The following NEDD4L variants were observed in gnomAD, a reference collection of about 807,000 sequenced individuals.
NEDD4L encodes E3 ubiquitin-protein ligase NEDD4-like.
In NEDD4L, 54 loss-of-function variants were observed where a neutral mutation model predicts 148.9. The observed-to-expected ratio is 0.36, with a 90% CI of 0.29 to 0.45. The LOEUF (loss-of-function observed/expected upper bound fraction) is 0.45. Ranked by LOEUF, NEDD4L falls within the 20% of genes least tolerant of loss-of-function variation. NEDD4L has a pLI of 1.00. For synonymous variants in NEDD4L, 433 were observed against 440.7 expected (o/e 0.98, Z 0.22); for missense variants, 856 against 1,233.8 (o/e 0.69, Z 4.59).
intron 1 of NEDD4L, among the ~76,000 whole-genome samples, chr18:58,151,262 C>T (rs1342474927): frequency 6.6e-6 from 1 of 152,168 alleles, no homozygotes. Flanking sequence ...TGGGAAGAAA[C>T]TATTTGAGAA....
intron 5 of NEDD4L, among the ~76,000 whole-genome samples, chr18:58,307,263 G>C (rs1473912488): frequency 6.6e-6 from 1 of 152,002 alleles, no homozygotes; most frequent in African/African-American, 2.4e-5. Flanking sequence ...TTCTTGGATG[G>C]TACCTAGGAT....
intron 1 of NEDD4L, among the ~76,000 whole-genome samples, chr18:58,142,260 G>A (rs115239631): frequency 0.012 from 1,853 of 151,338 alleles, 38 homozygotes; most frequent in African/African-American, 0.043. Context: ...GTGTTAGCCC[G>A]TACGGTCTCG....
chr18:58,134,769 A>ATTT lies in NEDD4L; in HGVS notation c.49-31004_49-31002dup, dbSNP rs71173032. On this transcript the variant is annotated intron_variant, in intron 1 of 30. Coordinates refer to ENST00000400345, the MANE Select transcript of NEDD4L (RefSeq NM_001144967.3). ...TTTCTTTTGTCTTCAAGCAATTTTC[A>ATTT]TTTTTTTTTTTTTTTTTGATATTCA... Among the ~76,000 whole-genome samples, 54 of 131,410 alleles carry ATTT rather than the reference A, an allele frequency of 4.1e-4. 1 individual carries two copies. Among genetic ancestry groups the ATTT allele is most frequent in the African/African-American group, 1.4e-3 (49 of 35,320 alleles). 86.2% of individuals were successfully genotyped at this position (131,410 alleles called of 152,430 possible).
intron 1 of NEDD4L, among the ~76,000 whole-genome samples, chr18:58,056,777 C>T (rs1035680346): frequency 4.6e-5 from 7 of 151,786 alleles, no homozygotes; most frequent in Non-Finnish European, 1.0e-4. Context: ...GATGGGGTTT[C>T]ACCATGTTGG....
At chr18:58,143,887 AGAAATGGGCATTTTCCC>A (rs1376985127) in intron 1 of NEDD4L, among the ~76,000 whole-genome samples, 1 of 152,196 alleles carries the variant, frequency 6.6e-6, no homozygotes, top group East Asian at 1.9e-4. Context: ...CATATTATAT[AGAAATGGGCATTTTCCC>A]TGTGGCCTGA....
intron 5 of NEDD4L, among the ~76,000 whole-genome samples, chr18:58,290,098 A>C (rs914129103): frequency 6.6e-6 from 1 of 152,266 alleles, no homozygotes; most frequent in Non-Finnish European, 1.5e-5. Flanking sequence ...AATTAATATC[A>C]TCATAAACTC....
At chr18:58,090,345 T>C (rs1347829302) in intron 1 of NEDD4L, among the ~76,000 whole-genome samples, 2 of 152,236 alleles carry the variant, frequency 1.3e-5, no homozygotes, top group African/African-American at 4.8e-5. Context: ...GTTTTTGTCA[T>C]TGGGCCATGA....
At chr18:58,239,040 A>G (rs1178023095) in intron 2 of NEDD4L, among the ~76,000 whole-genome samples, 1 of 152,242 alleles carries the variant, frequency 6.6e-6, no homozygotes, top group African/African-American at 2.4e-5. Context: ...GGTAACAGTA[A>G]AAGTGGAAAA....
rs1323143076 is a variant in NEDD4L at position 58,256,803 on chromosome 18, T to A, written c.297+4749T>A. On this transcript the variant is annotated intron_variant, in intron 5 of 30. Coordinates refer to ENST00000400345, the MANE Select transcript of NEDD4L (RefSeq NM_001144967.3). The surrounding 1 kb of genome is among the most constrained non-coding windows in gnomAD (Gnocchi z 5.2). ...AGTTCACAGCGTGTTTACATGTGTTTACTGATTTCAACTTCGATGCTTACT... is the reference window on the plus strand; with the variant it reads ...AGTTCACAGCGTGTTTACATGTGTTAACTGATTTCAACTTCGATGCTTACT... 5 of 1,231,204 alleles carry A rather than the reference T, an allele frequency of 4.1e-6. No individual in the cohort carries two copies. Among genetic ancestry groups the A allele is most frequent in the Non-Finnish European group, 5.1e-6 (5 of 987,576 alleles). The allele number at this position is 1,231,204 out of a possible 1,614,324, so 76.3% of individuals were successfully genotyped here. A position where few individuals can be genotyped will look rare whatever the true frequency, so the allele number is the denominator to read the frequency against.
chr18:58,200,752 G>A (rs1475732924), intron 2 of NEDD4L, among the ~76,000 whole-genome samples: 4 of 152,152 alleles, frequency 2.6e-5, no homozygotes, highest in South Asian at 4.1e-4. Flanking sequence ...GAATCAATTC[G>A]AGTCACTTAC....
At chr18:58,302,530 T>A (rs2056616016) in intron 5 of NEDD4L, among the ~76,000 whole-genome samples, 1 of 152,218 alleles carries the variant, frequency 6.6e-6, no homozygotes, top group Non-Finnish European at 1.5e-5. Flanking sequence ...AACCACTGGC[T>A]TTCTGAAAAT....
intron 2 of NEDD4L, among the ~76,000 whole-genome samples, chr18:58,238,154 G>A (rs2148293962): frequency 6.6e-6 from 1 of 152,254 alleles, no homozygotes; most frequent in East Asian, 1.9e-4. Context: ...TAAGAGTAGT[G>A]GCTCATTGCC....
intron 1 of NEDD4L, among the ~76,000 whole-genome samples, chr18:58,057,474 G>T (rs61011105): frequency 1.2e-4 from 18 of 152,140 alleles, no homozygotes; most frequent in African/African-American, 4.3e-4. Context: ...GCTGAAGTCC[G>T]TCCAGGGTGA....
At chr18:58,224,613 T>C (rs1039342187) in intron 2 of NEDD4L, among the ~76,000 whole-genome samples, 3 of 152,256 alleles carry the variant, frequency 2.0e-5, no homozygotes, top group Non-Finnish European at 2.9e-5. Flanking sequence ...CACCGTCCTG[T>C]GTGGTATTAT....
intron 24 of NEDD4L, among the ~76,000 whole-genome samples, chr18:58,374,884 C>T (rs186067124): frequency 2.6e-5 from 4 of 152,208 alleles, no homozygotes; most frequent in East Asian, 3.9e-4. Flanking sequence ...CCTGTGGCTC[C>T]GGCTGCACCC....
chr18:58,343,507 A>G (rs1302212865), intron 16 of NEDD4L, among the ~76,000 whole-genome samples: 3 of 152,132 alleles, frequency 2.0e-5, no homozygotes, highest in Admixed American at 6.5e-5. Flanking sequence ...GGCATTACCC[A>G]CCTTCTTTTG....
At chr18:58,247,260 C>T (rs2047378535) in intron 3 of NEDD4L, 1 of 152,112 alleles carries the variant, frequency 6.6e-6, no homozygotes, top group Non-Finnish European at 1.5e-5. Flanking sequence ...TGTAAGGAAC[C>T]GTAACTGCAG....
chr18:58,166,291 G>A (rs561044723), intron 2 of NEDD4L, among the ~76,000 whole-genome samples: 184 of 152,342 alleles, frequency 1.2e-3, no homozygotes, highest in Non-Finnish European at 2.0e-3. Flanking sequence ...GTGATTTGGG[G>A]CGAATGTGGT....
At chr18:58,206,189 G>A (rs2041966105) in intron 2 of NEDD4L, among the ~76,000 whole-genome samples, 1 of 152,102 alleles carries the variant, frequency 6.6e-6, no homozygotes, top group South Asian at 2.1e-4. Flanking sequence ...AGGAGTTCGG[G>A]ACCAGCCTGA....
Sources: allele counts gnomAD v4.1 joint callset (sites outside exome capture counted in the v4.1 genomes callset), GRCh38; gene constraint gnomAD v4.1.1; non-coding constraint Gnocchi (gnomAD v3.1); transcripts MANE v1.5; gene names NCBI Gene and HGNC (gene_info 2026-07-23, HGNC 2026-07-21).